CTCF: variants seen among roughly 807,000 people sequenced by gnomAD.
CTCF encodes CCCTC-binding factor.
Under a neutral mutation model 72.3 loss-of-function variants are expected in CTCF, and 7 were observed. The observed-to-expected ratio is 0.10, with a 90% CI of 0.06 to 0.18. The LOEUF is 0.18. Among genes scored for constraint, CTCF ranks in the 10% least tolerant of loss-of-function variants. The pLI is 1.00. For synonymous variants in CTCF, 374 were observed against 315.8 expected (o/e 1.18, Z -1.95); for missense variants, 516 against 949.1 (o/e 0.54, Z 6.00).
rs1285371145 is a variant in CTCF, at chr16:67,611,591, G to A, written c.759G>A (p.Lys253=). The A allele has an allele frequency of 6.2e-7, 1 of 1,608,356 alleles. No individual in the cohort carries two copies. Among genetic ancestry groups the A allele is most frequent in the South Asian group, 1.1e-5 (1 of 89,782 alleles). The change falls in exon 3 of 12, where the codon AAG becomes AAA. Residue 253 remains lysine (K), a synonymous_variant. Transcript: ENST00000264010. ...EKVVGNMKPP[K]PTKIKKKGVK... ...TGGTTGGTAATATGAAGCCTCCAAA[G>A]CCAACAAAAATTAAAAAGAAAGGTA...
chr16:67,622,682 C>T lies in CTCF; in HGVS notation c.1357+1091C>T, dbSNP rs762828264. 1.2e-3 allele frequency among the ~76,000 whole-genome samples: 178 copies of T among 146,102 alleles called. 2 individuals carry two copies. The highest frequency in any genetic ancestry group is 1.3e-3 in the Non-Finnish European group (90 of 66,932). The stretch of plus-strand genomic sequence containing the variant: ...TTTTGAGATGGAGTTTTCCTCTCGT[C>T]ACCCAGGCTGGAGTATGATGGCATG... On this transcript the variant is annotated intron_variant, in intron 7 of 11. Transcript: ENST00000264010.
intron 2 of CTCF, among the ~76,000 whole-genome samples, chr16:67,601,947 T>C (rs1198809259): frequency 6.7e-6 from 1 of 150,304 alleles, no homozygotes; most frequent in Admixed American, 6.7e-5. Flanking sequence ...CACTGCAGCC[T>C]CCGCCTCCAG....
chr16:67,577,587 G>C (rs2051516462), intron 2 of CTCF, among the ~76,000 whole-genome samples: 1 of 150,618 alleles, frequency 6.6e-6, no homozygotes, highest in South Asian at 2.2e-4. Flanking sequence ...ACAGGCGCCT[G>C]CCACCACGCC....
At chr16:67,570,817 C>G (rs1343617871) in intron 1 of CTCF, 2 of 149,856 alleles carry the variant, frequency 1.3e-5, no homozygotes, top group African/African-American at 5.0e-5. Context: ...ACAATCTCAG[C>G]TCAGTACAGC....
Position 67,636,713 on chromosome 16 carries a change from G to A in CTCF, c.1861G>A (p.Asp621Asn), listed in dbSNP as rs767679068. ...AGAAAATGCTGAACCAGATCTGGAC[G>A]ACAATGAGGATGAGGAGGAGCCTGC... is the stretch of plus-strand genomic sequence containing the variant. ...DSENAEPDLD[D>N]NEDEEEPAVE... The change falls in exon 11 of 12, where the codon GAC becomes AAC. Residue 621 changes from aspartate (D) to asparagine (N), a missense_variant. Transcript: ENST00000264010. 37 of 1,606,612 alleles carry A rather than the reference G, an allele frequency of 2.3e-5. No homozygotes were observed. Among genetic ancestry groups the A allele is most frequent in the African/African-American group, 4.0e-5 (3 of 74,564 alleles).
chr16:67,582,342 C>T (rs1472230123), intron 2 of CTCF, among the ~76,000 whole-genome samples: 1 of 152,070 alleles, frequency 6.6e-6, no homozygotes, highest in Non-Finnish European at 1.5e-5. Flanking sequence ...TTTGCCCTGA[C>T]TTTTTGCCTC....
chr16:67,606,809 C>G (rs1399765819), intron 2 of CTCF, among the ~76,000 whole-genome samples: 1 of 149,454 alleles, frequency 6.7e-6, no homozygotes, highest in Admixed American at 6.7e-5. Flanking sequence ...GCCCAGGCTC[C>G]AGGCTGGAGT....
At chr16:67,595,627 A>T (rs573123051) in intron 2 of CTCF, among the ~76,000 whole-genome samples, 1 of 152,184 alleles carries the variant, frequency 6.6e-6, no homozygotes, top group East Asian at 1.9e-4. Flanking sequence ...GGTTTTTATG[A>T]TAGCCTGTGA....
chr16:67,569,725 G>A (rs1036360412), intron 1 of CTCF, among the ~76,000 whole-genome samples: 1 of 149,684 alleles, frequency 6.7e-6, no homozygotes, highest in Admixed American at 6.7e-5. Context: ...TAGCTCTGTC[G>A]CCCAGGCTGG....
chr16:67,566,574 G>C (rs963573299), intron 1 of CTCF, among the ~76,000 whole-genome samples: 1 of 147,594 alleles, frequency 6.8e-6, no homozygotes, highest in Non-Finnish European at 1.5e-5. Context: ...TGTTGTTCTT[G>C]TGGGGTATTT....
intron 2 of CTCF, among the ~76,000 whole-genome samples, chr16:67,580,986 T>C (rs975077696): frequency 1.3e-5 from 2 of 152,112 alleles, no homozygotes; most frequent in African/African-American, 4.8e-5. Flanking sequence ...GGGAGTGCAG[T>C]GGCGCTATCT....
At chr16:67,599,466 G>C (rs1207736874) in intron 2 of CTCF, among the ~76,000 whole-genome samples, 2 of 152,092 alleles carry the variant, frequency 1.3e-5, no homozygotes, top group African/African-American at 2.4e-5. Context: ...AGGCCTCTGG[G>C]GTCTCTGTGT....
At position 67,590,887 on chromosome 16, in the gene CTCF, G is replaced by A. The variant is rs186634464; in HGVS notation, c.-10+19623G>A. ...GAGGCGGGAGAATCGCTTGAACCCG[G>A]GAGGTGGAGGTTGCAGTAAGCTGAG... On this transcript the variant is annotated intron_variant, in intron 2 of 11. Coordinates refer to ENST00000264010, the MANE Select transcript of CTCF (RefSeq NM_006565.4). Among the ~76,000 whole-genome samples the A allele has an allele frequency of 5.3e-4, 80 of 151,256 alleles. No homozygotes were observed. In the East Asian group the frequency reaches 0.013, roughly 25 times the overall value.
At chr16:67,565,450 G>T (rs1284655502) in intron 1 of CTCF, among the ~76,000 whole-genome samples, 1 of 151,956 alleles carries the variant, frequency 6.6e-6, no homozygotes, top group African/African-American at 2.4e-5. Context: ...CAAGGCGGGA[G>T]AATCACGAGG....
rs371140418 is a variant in CTCF, at chr16:67,637,892, G to C, written c.*20G>C. 142 of 1,589,706 alleles carry C rather than the reference G, an allele frequency of 8.9e-5. No individual in the cohort carries two copies. Among genetic ancestry groups the C allele is most frequent in the Admixed American group, 2.5e-4 (14 of 56,890 alleles). On this transcript the variant is annotated 3_prime_UTR_variant, in exon 12 of 12. Transcript: ENST00000264010. The stretch of plus-strand genomic sequence containing the variant: ...CGGTGATGGCGGAGCCTTGTGCGTC[G>C]CCAGGACTTCTCTGGGCTGTGTTTA...
chr16:67,598,503 T>C (rs1043160319), intron 2 of CTCF, among the ~76,000 whole-genome samples: 1 of 152,164 alleles, frequency 6.6e-6, no homozygotes, highest in African/African-American at 2.4e-5. Flanking sequence ...CAAATTATAA[T>C]AGAAAGTTAT....
chr16:67,563,378 T>G (rs889419600), intron 1 of CTCF: 1 of 152,104 alleles, frequency 6.6e-6, no homozygotes, highest in East Asian at 1.9e-4. Flanking sequence ...GGTCTCCGTC[T>G]CCGCCGAGTG....
At chr16:67,573,727 A>G (rs1470290849) in intron 2 of CTCF, among the ~76,000 whole-genome samples, 1 of 152,152 alleles carries the variant, frequency 6.6e-6, no homozygotes, top group Non-Finnish European at 1.5e-5. Context: ...AACAACCACC[A>G]TCAACACAAA....
Position 67,599,407 on chromosome 16 carries a change from G to A in CTCF, c.-9-11417G>A, listed in dbSNP as rs75496343. On this transcript the variant is annotated intron_variant, in intron 2 of 11. Transcript: ENST00000264010. The stretch of plus-strand genomic sequence containing the variant: ...GAGAATCTGTCTCAAAGAAAAATAA[G>A]TGGCTGAAGCAAGAGGAGGAAGAAC... 9.6e-3 allele frequency among the ~76,000 whole-genome samples: 1,455 copies of A among 152,074 alleles called. 26 individuals carry two copies. Among genetic ancestry groups the A allele is most frequent in the African/African-American group, 0.033 (1,353 of 41,500 alleles).
Sources: gnomAD v4.1 joint callset for allele counts (sites outside exome capture counted in the v4.1 genomes callset) on GRCh38, gnomAD v4.1.1 for gene constraint, MANE v1.5 for transcripts, NCBI Gene and HGNC (gene_info 2026-07-23, HGNC 2026-07-21) for gene names.